Variants in CSMD1 observed in about 807,000 individuals in gnomAD.
CSMD1 encodes the protein CUB and sushi domain-containing protein 1.
CSMD1 carries 213 observed loss-of-function variants against 417.5 expected under a neutral mutation model. The observed-to-expected ratio is 0.51, with a 90% CI of 0.46 to 0.57. The LOEUF is 0.57. Among genes scored for constraint, CSMD1 ranks in the 20% least tolerant of loss-of-function variants. The pLI, the probability that CSMD1 is intolerant of heterozygous loss-of-function variation, is 0.00. For synonymous variants in CSMD1, 2,862 were observed against 1,736.8 expected (o/e 1.65, Z -16.11); for missense variants, 6,923 against 4,529.7 (o/e 1.53, Z -15.17).
At chr8:4,485,967 T>C (rs934492958) in intron 2 of CSMD1, among the ~76,000 whole-genome samples, 2 of 151,992 alleles carry the variant, frequency 1.3e-5, no homozygotes, top group African/African-American at 4.8e-5. Context: ...CTGATATTGA[T>C]ACACACTGGA....
At chr8:2,996,488 T>A (rs1012097691) in intron 54 of CSMD1, among the ~76,000 whole-genome samples, 1 of 152,154 alleles carries the variant, frequency 6.6e-6, no homozygotes, top group African/African-American at 2.4e-5. Context: ...GAGGGCAGGG[T>A]GAGGCATGTT....
intron 5 of CSMD1, among the ~76,000 whole-genome samples, chr8:3,839,119 T>C (rs993924815): frequency 2.3e-5 from 3 of 127,780 alleles, no homozygotes; most frequent in Non-Finnish European, 3.1e-5. Flanking sequence ...ATAGTCTATA[T>C]GTATACTCTC....
At chr8:4,263,250 T>C (rs999803795) in intron 3 of CSMD1, among the ~76,000 whole-genome samples, 3 of 152,148 alleles carry the variant, frequency 2.0e-5, no homozygotes, top group Admixed American at 2.0e-4. Context: ...TAAAAAAATC[T>C]GTAAGCTGAA....
Position 4,057,621 on chromosome 8 carries a change from T to C in CSMD1, c.416-25522A>G, listed in dbSNP as rs1339974726. On this transcript the variant is annotated intron_variant, in intron 3 of 69. Coordinates refer to ENST00000635120, the MANE Select transcript of CSMD1 (RefSeq NM_033225.6). ...GAAGTCCTTGCCCATGCCTATGTCC[T>C]GAATGGTAATGCCTAGGTTTTCTTC... is the stretch of plus-strand genomic sequence containing the variant. 4.7e-5 allele frequency among the ~76,000 whole-genome samples: 7 copies of C among 148,112 alleles called. No individual in the cohort carries two copies. The East Asian group carries it at 9.9e-4, about 21-fold the overall frequency.
intron 25 of CSMD1, among the ~76,000 whole-genome samples, chr8:3,285,658 C>A (rs1584931019): frequency 6.6e-6 from 1 of 151,976 alleles, no homozygotes; most frequent in Admixed American, 6.6e-5. Flanking sequence ...CTCGGCCTCC[C>A]AAAGTGCTGT....
intron 15 of CSMD1, 119 bp from the exon 16 acceptor site, chr8:3,399,648 C>G: frequency 2.8e-6 from 2 of 709,254 alleles, no homozygotes; most frequent in South Asian, 3.1e-5. Context: ...TTTCAAGTAT[C>G]AAAGCAAATC....
rs190910654 is a variant in CSMD1, at chr8:2,976,114, T to G, written c.8567-1490A>C. Among the ~76,000 whole-genome samples the G allele has an allele frequency of 2.6e-3, 396 of 152,304 alleles. 1 individual carries two copies. The highest frequency in any genetic ancestry group is 8.8e-3 in the African/African-American group (367 of 41,566). On this transcript the variant is annotated intron_variant, in intron 55 of 69. Transcript: ENST00000635120. ...TGTTAAATAAGGCTGAGAATTTTTT[T>G]GAAAGTTACCACTGTCGTTCTCCAC...
intron 10 of CSMD1, among the ~76,000 whole-genome samples, chr8:3,570,056 GAGAGA>G (rs960419809): frequency 4.9e-4 from 75 of 152,288 alleles, no homozygotes; most frequent in African/African-American, 1.7e-3. Context: ...CTTCTAAAAG[GAGAGA>G]AGAGAATTGT....
intron 41 of CSMD1, among the ~76,000 whole-genome samples, chr8:3,119,012 C>A (rs1025334591): frequency 2.0e-5 from 3 of 152,114 alleles, no homozygotes; most frequent in African/African-American, 7.2e-5. Context: ...AATCCTGTCT[C>A]TACTAAAAAT....
intron 3 of CSMD1, among the ~76,000 whole-genome samples, chr8:4,093,423 A>T (rs1181361168): frequency 6.6e-6 from 1 of 152,196 alleles, no homozygotes; most frequent in Non-Finnish European, 1.5e-5. Context: ...GAGGTGTACA[A>T]TTTTTAATGC....
intron 68 of CSMD1, among the ~76,000 whole-genome samples, chr8:2,946,261 T>G (rs1260583264): frequency 6.6e-6 from 1 of 152,224 alleles, no homozygotes; most frequent in African/African-American, 2.4e-5. Flanking sequence ...ATTCATCCAC[T>G]TAAGCTGAAC....
chr8:4,070,694 A>T (rs961278984), intron 3 of CSMD1, among the ~76,000 whole-genome samples: 1 of 152,092 alleles, frequency 6.6e-6, no homozygotes, highest in African/African-American at 2.4e-5. Flanking sequence ...CTGAAGATCC[A>T]AGTTTTCACC....
At chr8:3,350,006 CCTATAATAACTTGTGTATGTGTG>C in intron 21 of CSMD1, among the ~76,000 whole-genome samples, 7 of 142,106 alleles carry the variant, frequency 4.9e-5, no homozygotes, top group Non-Finnish European at 3.0e-5. Context: ...TGTTATAATA[CCTATAATAACTTGTGTATGTGTG>C]TGTTATAATA....
chr8:4,067,304 C>G (rs1189124351), intron 3 of CSMD1, among the ~76,000 whole-genome samples: 1 of 152,120 alleles, frequency 6.6e-6, no homozygotes, highest in African/African-American at 2.4e-5. Context: ...CTCCGCCATA[C>G]TAAATTTTCG....
intron 5 of CSMD1, among the ~76,000 whole-genome samples, chr8:3,773,029 C>T (rs1798702228): frequency 6.6e-6 from 1 of 152,230 alleles, no homozygotes; most frequent in Non-Finnish European, 1.5e-5. Context: ...CTCCCTGTAC[C>T]TTCCCATGAC....
At chr8:4,186,085 G>T (rs533892309) in intron 3 of CSMD1, among the ~76,000 whole-genome samples, 1 of 152,124 alleles carries the variant, frequency 6.6e-6, no homozygotes, top group Admixed American at 6.5e-5. Context: ...AGCTGTTAGA[G>T]GAGGCACCCT....
intron 7 of CSMD1, among the ~76,000 whole-genome samples, chr8:3,656,414 C>G (rs553057762): frequency 2.0e-5 from 3 of 152,232 alleles, no homozygotes; most frequent in South Asian, 4.1e-4. Context: ...AGTGCATCAC[C>G]TATACACAGC....
At chr8:4,846,942 G>C (rs1242343600) in intron 1 of CSMD1, among the ~76,000 whole-genome samples, 1 of 151,890 alleles carries the variant, frequency 6.6e-6, no homozygotes, top group South Asian at 2.1e-4. Flanking sequence ...TATTCATTGG[G>C]AGAAAAAGAT....
intron 4 of CSMD1, among the ~76,000 whole-genome samples, chr8:4,031,437 T>A (rs1318174119): frequency 6.6e-6 from 1 of 152,114 alleles, no homozygotes; most frequent in African/African-American, 2.4e-5. Context: ...TCAGATCTCA[T>A]AAGACTTATG....
Sources: gnomAD v4.1 joint callset for allele counts (sites outside exome capture counted in the v4.1 genomes callset) on GRCh38, gnomAD v4.1.1 for gene constraint, MANE v1.5 for transcripts, NCBI Gene and HGNC (gene_info 2026-07-23, HGNC 2026-07-21) for gene names.